The following TTC39A variants were observed in gnomAD, a reference collection of about 807,000 sequenced individuals.
The protein encoded by TTC39A is tetratricopeptide repeat domain 39A, also known as tetratricopeptide repeat protein 39A.
Under a neutral mutation model 82.3 loss-of-function variants are expected in TTC39A, and 46 were observed. That is an observed-to-expected ratio of 0.56 (90% CI 0.44 to 0.71). The LOEUF is 0.71. TTC39A is among the 30% of genes least tolerant of loss of function. The probability of loss-of-function intolerance (pLI) is 0.00; values close to 1 mark genes in which losing one functional copy is unlikely to be tolerated. For synonymous variants in TTC39A, 254 were observed against 275.2 expected (o/e 0.92, Z 0.76); for missense variants, 543 against 712.9 (o/e 0.76, Z 2.71).
At chr1:51,315,684 C>T (rs138001557) in intron 2 of TTC39A, among the ~76,000 whole-genome samples, 15 of 152,348 alleles carry the variant, frequency 9.8e-5, no homozygotes, top group Non-Finnish European at 1.9e-4. Flanking sequence ...CCTTCTGGGA[C>T]CTGCCTCAGC....
At chr1:51,315,074 T>A (rs1645234364) in intron 2 of TTC39A, among the ~76,000 whole-genome samples, 1 of 151,738 alleles carries the variant, frequency 6.6e-6, no homozygotes, top group African/African-American at 2.4e-5. Context: ...TCTCTCTTCC[T>A]CTCCCACTGC....
At position 51,294,656 on chromosome 1, in the gene TTC39A, T is replaced by C; in HGVS notation, c.1146-145A>G. ...TGACAGTGTTAGACTCTAAAGAGCC[T>C]TCTAGGTCTGAAATAGCCTGCGGCT... On this transcript the variant is annotated intron_variant, in intron 13 of 17. Coordinates refer to ENST00000680483, the MANE Select transcript of TTC39A (RefSeq NM_001297663.2). This position sits in a 1 kb window ranked among gnomAD's most constrained non-coding sequence, Gnocchi z 4.3. The C allele has an allele frequency of 2.3e-6, 3 of 1,278,182 alleles. No individual in the cohort carries two copies. Among genetic ancestry groups the C allele is most frequent in the Non-Finnish European group, 3.2e-6 (3 of 941,158 alleles). 79.2% of individuals were successfully genotyped at this position (1,278,182 alleles called of 1,614,324 possible). A position where few individuals can be genotyped will look rare whatever the true frequency, so the allele number is the denominator to read the frequency against.
intron 2 of TTC39A, among the ~76,000 whole-genome samples, chr1:51,318,196 C>G (rs751112105): frequency 6.6e-6 from 1 of 152,160 alleles, no homozygotes; most frequent in African/African-American, 2.4e-5. Context: ...GTGGGACCGG[C>G]TGAGCAGCTG....
At chr1:51,320,416 C>CTTTTTTTTTTTTTTTTTTTTT (rs57261779) in intron 2 of TTC39A, among the ~76,000 whole-genome samples, 10 of 79,450 alleles carry the variant, frequency 1.3e-4, no homozygotes, top group East Asian at 3.3e-4. Flanking sequence ...TTTTCTTTTT[C>CTTTTTTTTTTTTTTTTTTTTT]TTTTTTTTTT....
intron 9 of TTC39A, 94 bp from the exon 10 acceptor site, chr1:51,302,667 C>A: frequency 7.5e-7 from 1 of 1,331,748 alleles, no homozygotes; most frequent in Non-Finnish European, 1.1e-6. Flanking sequence ...CAGGGTCTCC[C>A]CCTCCCCCTC....
At chr1:51,340,959 G>C (rs1646028804) in intron 1 of TTC39A, among the ~76,000 whole-genome samples, 1 of 152,140 alleles carries the variant, frequency 6.6e-6, no homozygotes, top group South Asian at 2.1e-4. Context: ...ATCACTTGAG[G>C]TCAGGAGTTT....
chr1:51,334,361 G>T (rs945756098), upstream of TTC39A, among the ~76,000 whole-genome samples: 3 of 152,144 alleles, frequency 2.0e-5, no homozygotes, highest in Admixed American at 6.5e-5. Context: ...AAATTAGCCA[G>T]GTGTGGTGGT....
intron 2 of TTC39A, among the ~76,000 whole-genome samples, chr1:51,313,294 C>T (rs1281206766): frequency 2.0e-5 from 3 of 152,076 alleles, no homozygotes; most frequent in African/African-American, 7.2e-5. Flanking sequence ...CCCAGTGCCA[C>T]CCTCTTGCCT....
At chr1:51,338,296 T>A (rs1474336633) in intron 1 of TTC39A, among the ~76,000 whole-genome samples, 1 of 152,146 alleles carries the variant, frequency 6.6e-6, no homozygotes, top group Non-Finnish European at 1.5e-5. Flanking sequence ...ACTCTTCACC[T>A]CTTTGCGCCT....
At position 51,296,248 on chromosome 1, in the gene TTC39A, T is replaced by A. The variant is rs561936920; in HGVS notation, c.1054-78A>T. The A allele has an allele frequency of 1.1e-5, 15 of 1,402,524 alleles. No homozygotes were observed. In the Admixed American group the frequency reaches 2.2e-4, roughly 20 times the overall value. 86.9% of individuals were successfully genotyped at this position (1,402,524 alleles called of 1,614,324 possible). On this transcript the variant is annotated intron_variant, in intron 12 of 17. Transcript: ENST00000680483. ...CCGGGCTGGAATCTGCAGACGGACC[T>A]CACGTGGCCCAGCACAGGAGCTCCC...
chr1:51,291,795 G>C (rs1441489061), intron 14 of TTC39A, among the ~76,000 whole-genome samples: 1 of 149,588 alleles, frequency 6.7e-6, no homozygotes, highest in Non-Finnish European at 1.5e-5. Context: ...GACAGAGTGA[G>C]ATTCTATCTC....
At chr1:51,314,275 G>C (rs377076553) in intron 2 of TTC39A, among the ~76,000 whole-genome samples, 11 of 152,304 alleles carry the variant, frequency 7.2e-5, no homozygotes, top group African/African-American at 2.4e-4. Context: ...TAACATGTCT[G>C]GGCCTAGATT....
At position 51,311,243 on chromosome 1, in the gene TTC39A, G is replaced by C; in HGVS notation, c.423+11C>G. 1 of 1,572,580 alleles carries C rather than the reference G, an allele frequency of 6.4e-7. No homozygotes were observed. Among genetic ancestry groups the C allele is most frequent in the South Asian group, 1.2e-5 (1 of 85,492 alleles). Reference sequence around the variant, plus strand: ...AAATCCCAGCCTCTTTGTACAAGTGGGGGTCCCTACCTGCAGGAAGGTCAG... The same window carrying C: ...AAATCCCAGCCTCTTTGTACAAGTGCGGGTCCCTACCTGCAGGAAGGTCAG... On this transcript the variant is annotated intron_variant, in intron 5 of 17. Coordinates refer to ENST00000680483, the MANE Select transcript of TTC39A (RefSeq NM_001297663.2).
rs754119277 is a variant in TTC39A at position 51,305,972 on chromosome 1, C to A, written c.588+5G>T. 1 of 1,613,592 alleles carries A rather than the reference C, an allele frequency of 6.2e-7. No individual in the cohort carries two copies. Among genetic ancestry groups the A allele is most frequent in the Non-Finnish European group, 8.5e-7 (1 of 1,179,628 alleles). ...GTGCTGTGGAAATGGAGGAGGAGCA[C>A]TCACCAGGTTGAAGGCCCCTACACC... On this transcript the variant is annotated splice_donor_5th_base_variant and intron_variant, in intron 7 of 17. Coordinates refer to ENST00000680483, the MANE Select transcript of TTC39A (RefSeq NM_001297663.2).
chr1:51,313,675 C>A (rs1264463265), intron 2 of TTC39A, among the ~76,000 whole-genome samples: 2 of 152,164 alleles, frequency 1.3e-5, no homozygotes, highest in Non-Finnish European at 2.9e-5. Context: ...CTCCTCCAGG[C>A]CTTTGCCCAG....
chr1:51,305,805 A>G (rs1165268465), intron 7 of TTC39A, among the ~76,000 whole-genome samples, 172 bp downstream of exon 7: 1 of 151,802 alleles, frequency 6.6e-6, no homozygotes, highest in African/African-American at 2.4e-5. Context: ...CACCACCCCC[A>G]CCCCAGCTGT....
Position 51,294,703 on chromosome 1 carries a change from CAAGACCTGGCCACTTCCTA to C in TTC39A, c.1146-211_1146-193del, listed in dbSNP as rs1365369335. Among the ~76,000 whole-genome samples, 2 of 152,224 alleles carry C rather than the reference CAAGACCTGGCCACTTCCTA, an allele frequency of 1.3e-5. No individual in the cohort carries two copies. The highest frequency in any genetic ancestry group is 2.9e-5 in the Non-Finnish European group (2 of 68,038). Reference sequence around the variant, plus strand: ...GGCTATAATTTTAGAGACCCTGCCCCAAGACCTGGCCACTTCCTATGGCTGGGCAAGGGGTTCCTCCCCG... The same window carrying C: ...GGCTATAATTTTAGAGACCCTGCCCCTGGCTGGGCAAGGGGTTCCTCCCCG... On this transcript the variant is annotated intron_variant, in intron 13 of 17. Transcript: ENST00000680483. This position sits in a 1 kb window ranked among gnomAD's most constrained non-coding sequence, Gnocchi z 4.3.
At chr1:51,320,946 C>T (rs899459976) in intron 2 of TTC39A, among the ~76,000 whole-genome samples, 1 of 147,484 alleles carries the variant, frequency 6.8e-6, no homozygotes, top group Non-Finnish European at 1.5e-5. Flanking sequence ...GATCTTGGCT[C>T]ACTGCAACCT....
intron 12 of TTC39A, chr1:51,298,620 G>A (rs546785502): frequency 3.5e-4 from 53 of 152,450 alleles, no homozygotes; most frequent in African/African-American, 1.3e-3. Context: ...TGGGACAAAA[G>A]AGCAGCTGTC....
Sources: gnomAD v4.1 joint callset for allele counts (sites outside exome capture counted in the v4.1 genomes callset) on GRCh38, gnomAD v4.1.1 for gene constraint, Gnocchi (gnomAD v3.1) non-coding constraint, MANE v1.5 for transcripts, NCBI Gene and HGNC (gene_info 2026-07-23, HGNC 2026-07-21) for gene names.